Variants in PTK2 observed in about 807,000 individuals in gnomAD.
PTK2 encodes protein tyrosine kinase 2.
A neutral mutation model predicts 150.1 loss-of-function variants in PTK2; 45 were observed. The ratio of observed to expected loss-of-function variants is 0.30; its 90% CI spans 0.24 to 0.38. The LOEUF (loss-of-function observed/expected upper bound fraction) is 0.38. PTK2 is among the 10% of genes least tolerant of loss of function. The pLI is 1.00. For synonymous variants in PTK2, 432 were observed against 449.2 expected, an observed-to-expected ratio of 0.96 and a Z score of 0.48; for missense variants, 919 against 1,307.3, an observed-to-expected ratio of 0.70 and a Z score of 4.58.
At chr8:140,934,888 A>G in intron 1 of PTK2, among the ~76,000 whole-genome samples, 1 of 151,726 alleles carries the variant, frequency 6.6e-6, no homozygotes, top group East Asian at 1.9e-4. Context: ...TCTGTAGGGA[A>G]AAGAAAGAGA....
chr8:140,843,896 C>T (rs528490910), intron 7 of PTK2, among the ~76,000 whole-genome samples: 1 of 151,808 alleles, frequency 6.6e-6, no homozygotes, highest in African/African-American at 2.4e-5. Context: ...CATCAGTTTT[C>T]TTCCCCTATC....
At chr8:140,979,669 T>G (rs2100190655) in intron 1 of PTK2, among the ~76,000 whole-genome samples, 9 of 152,168 alleles carry the variant, frequency 5.9e-5, no homozygotes, top group Admixed American at 5.2e-4. Context: ...ACAATTCCTA[T>G]GTGTTGTGGC....
chr8:140,698,355 A>G (rs2100028111), intron 26 of PTK2, among the ~76,000 whole-genome samples: 1 of 152,250 alleles, frequency 6.6e-6, no homozygotes, highest in Admixed American at 6.5e-5. Context: ...TAGACAAAAA[A>G]TAGGTTTAAA....
chr8:140,975,738 C>T (rs1240762317), intron 1 of PTK2, among the ~76,000 whole-genome samples: 1 of 152,190 alleles, frequency 6.6e-6, no homozygotes, highest in African/African-American at 2.4e-5. Context: ...TGAGGTTGGG[C>T]ATCACAAGGG....
At chr8:140,915,509 T>G (rs960388693) in intron 2 of PTK2, among the ~76,000 whole-genome samples, 1 of 151,968 alleles carries the variant, frequency 6.6e-6, no homozygotes, top group African/African-American at 2.4e-5. Flanking sequence ...AGGCTGGGAG[T>G]GGGAATGCTA....
chr8:140,770,724 G>A (rs1195945987), intron 14 of PTK2: 3 of 1,341,606 alleles, frequency 2.2e-6, no homozygotes, highest in Non-Finnish European at 3.0e-6. Flanking sequence ...ACCCGTAGAA[G>A]GAGGATCATG....
At chr8:140,814,828 G>A (rs1348343314) in intron 10 of PTK2, among the ~76,000 whole-genome samples, 1 of 150,436 alleles carries the variant, frequency 6.6e-6, no homozygotes, top group Non-Finnish European at 1.5e-5. Flanking sequence ...AGGCTGGAGT[G>A]CAATGACGAA....
At chr8:140,736,884 T>C (rs1354590978) in intron 21 of PTK2, among the ~76,000 whole-genome samples, 2 of 152,242 alleles carry the variant, frequency 1.3e-5, no homozygotes, top group Non-Finnish European at 2.9e-5. Context: ...ACTGTGACTT[T>C]ATTTTTGCAT....
At chr8:140,823,396 A>AT (rs2100109989) in intron 8 of PTK2, among the ~76,000 whole-genome samples, 3 of 152,196 alleles carry the variant, frequency 2.0e-5, no homozygotes, top group Non-Finnish European at 4.4e-5. Flanking sequence ...CATTTGTTCA[A>AT]TGCTTTTTAA....
intron 14 of PTK2, among the ~76,000 whole-genome samples, chr8:140,783,494 C>T (rs1284919080): frequency 6.6e-6 from 1 of 152,134 alleles, no homozygotes; most frequent in East Asian, 1.9e-4. Context: ...AAATAACTAC[C>T]TGTATTTATA....
intron 13 of PTK2, among the ~76,000 whole-genome samples, chr8:140,790,616 C>T (rs904130523): frequency 6.6e-6 from 1 of 152,150 alleles, no homozygotes; most frequent in African/African-American, 2.4e-5. Flanking sequence ...ATTAGAAATG[C>T]TCAACTTGTA....
rs558254802 is a variant in PTK2, at chr8:140,917,672, C to G, written c.-33+7989G>C. On this transcript the variant is annotated intron_variant, in intron 2 of 31. Coordinates refer to ENST00000522684, the Ensembl canonical transcript of PTK2. ...AGAGCCTTTTAAAATCAAATCTAACCCTACAAAGAATTTATTCATTCATTA... is the reference window on the plus strand; with the variant it reads ...AGAGCCTTTTAAAATCAAATCTAACGCTACAAAGAATTTATTCATTCATTA... Among the ~76,000 whole-genome samples the G allele has an allele frequency of 1.5e-4, 23 of 152,074 alleles. 1 individual carries two copies. The Middle Eastern group carries it at 0.01, about 67-fold the overall frequency.
At chr8:140,710,071 T>C (rs1310258250) in intron 23 of PTK2, among the ~76,000 whole-genome samples, 1 of 152,156 alleles carries the variant, frequency 6.6e-6, no homozygotes, top group Non-Finnish European at 1.5e-5. Context: ...CTCAGCACTT[T>C]GGAAGGCTGA....
Position 140,699,503 on chromosome 8 carries a change from T to A in PTK2, c.2499+1388A>T, listed in dbSNP as rs142356503. Among the ~76,000 whole-genome samples, 1,294 of 152,292 alleles carry A rather than the reference T, an allele frequency of 8.5e-3. 6 individuals carry two copies. Among genetic ancestry groups the A allele is most frequent in the Admixed American group, 0.016 (239 of 15,298 alleles). On this transcript the variant is annotated intron_variant, in intron 26 of 31. Coordinates refer to ENST00000522684, the Ensembl canonical transcript of PTK2. ...AAGGGACTTCTGAAGTGGTTTTCAA[T>A]AAGGGTTGCCTGAAAGAAGACATTT...
intron 4 of PTK2, among the ~76,000 whole-genome samples, chr8:140,878,378 CTGTT>C (rs1477141026): frequency 1.3e-5 from 2 of 152,154 alleles, no homozygotes; most frequent in Admixed American, 6.5e-5. Flanking sequence ...GGTGGGCAGA[CTGTT>C]TGAGCCCAGG....
intron 10 of PTK2, among the ~76,000 whole-genome samples, chr8:140,805,852 C>CA (rs1372569384): frequency 6.6e-6 from 1 of 152,176 alleles, no homozygotes; most frequent in African/African-American, 2.4e-5. Context: ...CACTCCTCTG[C>CA]TTAAAAAGGT....
intron 1 of PTK2, among the ~76,000 whole-genome samples, chr8:140,984,839 T>C (rs150605186): frequency 6.6e-6 from 1 of 152,084 alleles, no homozygotes; most frequent in Non-Finnish European, 1.5e-5. Flanking sequence ...TAATAGACAA[T>C]AAGGGAATGA....
At chr8:140,774,194 G>A (rs1389627774) in intron 14 of PTK2, among the ~76,000 whole-genome samples, 1 of 152,162 alleles carries the variant, frequency 6.6e-6, no homozygotes, top group East Asian at 1.9e-4. Context: ...GGCTTTTGCG[G>A]TACAGGGATT....
At chr8:140,871,344 A>G (rs1280877382) in intron 4 of PTK2, among the ~76,000 whole-genome samples, 4 of 152,258 alleles carry the variant, frequency 2.6e-5, no homozygotes, top group Non-Finnish European at 4.4e-5. Context: ...ATTTCAACAA[A>G]TGTTTACATA....
Sources: allele counts gnomAD v4.1 joint callset (sites outside exome capture counted in the v4.1 genomes callset), GRCh38; gene constraint gnomAD v4.1.1; transcripts MANE v1.5; gene names NCBI Gene and HGNC (gene_info 2026-07-23, HGNC 2026-07-21).